Variants in RAD51B observed in about 807,000 individuals in gnomAD.
The protein encoded by RAD51B is RAD51 paralog B.
Under a neutral mutation model 42.2 loss-of-function variants are expected in RAD51B, and 38 were observed. That is an observed-to-expected ratio of 0.90 (90% CI 0.70 to 1.18). The LOEUF (loss-of-function observed/expected upper bound fraction) is 1.18. Among genes scored for constraint, RAD51B ranks in the 50% most tolerant of loss-of-function variants. RAD51B has a pLI of 0.00. For missense variants in RAD51B, 373 were observed against 400.7 expected (o/e 0.93, Z 0.59); for synonymous variants, 154 against 145.2 (o/e 1.06, Z -0.43).
At chr14:68,152,992 C>T (rs117773816) in intron 7 of RAD51B, among the ~76,000 whole-genome samples, 1 of 152,146 alleles carries the variant, frequency 6.6e-6, no homozygotes, top group Non-Finnish European at 1.5e-5. Context: ...TTTCTTTTTC[C>T]AGTCTGCCAT....
At chr14:68,286,783 T>C (rs2081422044) in intron 7 of RAD51B, among the ~76,000 whole-genome samples, 1 of 152,238 alleles carries the variant, frequency 6.6e-6, no homozygotes, top group Non-Finnish European at 1.5e-5. Flanking sequence ...GGGTATAGTC[T>C]AGTCATAGCC....
At chr14:68,597,331 G>A (rs1346355258), downstream of RAD51B, among the ~76,000 whole-genome samples, 1 of 152,164 alleles carries the variant, frequency 6.6e-6, no homozygotes, top group Non-Finnish European at 1.5e-5. Flanking sequence ...GTTGTTAGGG[G>A]ACATTGAGGA....
Position 68,443,953 on chromosome 14 carries a change from C to T in RAD51B, c.958-24219C>T, listed in dbSNP as rs552538704. On this transcript the variant is annotated intron_variant, in intron 9 of 10. Coordinates refer to ENST00000471583, the MANE Select transcript of RAD51B (RefSeq NM_133510.4). ...GATAAGAAATAGTAGTGCTAGGTAC[C>T]TTTTCTTTACTCATAAAGCATTATG... Among the ~76,000 whole-genome samples, 8 of 152,168 alleles carry T rather than the reference C, an allele frequency of 5.3e-5. No homozygotes were observed. The East Asian group carries it at 1.5e-3, about 29-fold the overall frequency.
chr14:67,880,675 A>G (rs557702732), intron 5 of RAD51B, among the ~76,000 whole-genome samples: 1 of 152,118 alleles, frequency 6.6e-6, no homozygotes, highest in African/African-American at 2.4e-5. Flanking sequence ...GTTTTTATTG[A>G]CTGATTTTTC....
chr14:67,901,911 AG>A (rs551428037), intron 7 of RAD51B, among the ~76,000 whole-genome samples: 95 of 151,492 alleles, frequency 6.3e-4, no homozygotes, highest in African/African-American at 1.8e-3. Flanking sequence ...GAAGGGTGGG[AG>A]GGGGTTGGAT....
At chr14:67,828,899 G>A (rs895931606) in intron 3 of RAD51B, among the ~76,000 whole-genome samples, 16 of 152,196 alleles carry the variant, frequency 1.1e-4, no homozygotes, top group Admixed American at 2.0e-4. Context: ...TTGTAGTATA[G>A]TTTGAAGTTG....
Position 67,885,835 on chromosome 14 carries a change from CTG to C in RAD51B, c.453-32_453-31del, listed in dbSNP as rs34343730. On this transcript the variant is annotated intron_variant, in intron 5 of 10. Transcript: ENST00000471583. ...GCAATGTGGCTTTAAGTAGAATTGA[CTG>C]TTTTCGTTTGTGCTATTTTTTTCAC... The C allele has an allele frequency of 1.5e-3, 2,419 of 1,564,124 alleles. 29 individuals carry two copies. In the African/African-American group the frequency reaches 0.027, roughly 18 times the overall value.
At chr14:68,284,273 G>A (rs549976624) in intron 7 of RAD51B, among the ~76,000 whole-genome samples, 1 of 152,302 alleles carries the variant, frequency 6.6e-6, no homozygotes, top group African/African-American at 2.4e-5. Flanking sequence ...ACTGCCATTG[G>A]TTCTGTGTAG....
At chr14:68,218,916 TA>T (rs1407456341) in intron 7 of RAD51B, among the ~76,000 whole-genome samples, 2 of 152,200 alleles carry the variant, frequency 1.3e-5, no homozygotes, top group Non-Finnish European at 2.9e-5. Flanking sequence ...TGGACAGTGA[TA>T]GGGGAGCAGA....
intron 7 of RAD51B, among the ~76,000 whole-genome samples, chr14:68,194,735 G>A (rs1252309645): frequency 1.3e-5 from 2 of 152,210 alleles, no homozygotes; most frequent in Non-Finnish European, 2.9e-5. Flanking sequence ...ATATGACAGT[G>A]TGGTAAAAGA....
chr14:67,951,941 A>G (rs959715629), intron 7 of RAD51B, among the ~76,000 whole-genome samples: 1 of 152,174 alleles, frequency 6.6e-6, no homozygotes, highest in East Asian at 1.9e-4. Context: ...TGACTCACAA[A>G]TGTTGAAAAA....
At chr14:67,991,538 A>G (rs2075296637) in intron 7 of RAD51B, among the ~76,000 whole-genome samples, 1 of 152,210 alleles carries the variant, frequency 6.6e-6, no homozygotes, top group Non-Finnish European at 1.5e-5. Flanking sequence ...TTATGTTGTT[A>G]TGCAGCTGGC....
chr14:68,445,872 G>A (rs893892089), intron 9 of RAD51B, among the ~76,000 whole-genome samples: 16 of 152,206 alleles, frequency 1.1e-4, no homozygotes, highest in African/African-American at 3.9e-4. Flanking sequence ...GTACAGTAGA[G>A]TGGAAACAAA....
At chr14:68,540,767 T>C (rs1887921129) in intron 10 of RAD51B, 1 of 985,200 alleles carries the variant, frequency 1.0e-6, no homozygotes, top group Non-Finnish European at 1.2e-6. Flanking sequence ...TGACAGCTTG[T>C]GAGGACTCCA....
chr14:68,547,643 G>C (rs1594961981), intron 10 of RAD51B, among the ~76,000 whole-genome samples: 1 of 152,192 alleles, frequency 6.6e-6, no homozygotes, highest in African/African-American at 2.4e-5. Flanking sequence ...CCCTCTCTCT[G>C]TTGTCTGTAG....
At chr14:67,842,151 A>G (rs1012147343) in intron 4 of RAD51B, among the ~76,000 whole-genome samples, 1 of 151,994 alleles carries the variant, frequency 6.6e-6, no homozygotes, top group African/African-American at 2.4e-5. Context: ...TTGTGTAGCT[A>G]TTGTAAATGG....
intron 10 of RAD51B, among the ~76,000 whole-genome samples, chr14:68,515,233 G>C (rs1051021149): frequency 2.0e-5 from 3 of 151,960 alleles, no homozygotes; most frequent in Non-Finnish European, 4.4e-5. Context: ...AAGGTTATGG[G>C]GAGTGTTAAA....
chr14:68,260,726 C>A (rs1272927540), intron 7 of RAD51B, among the ~76,000 whole-genome samples: 2 of 152,152 alleles, frequency 1.3e-5, no homozygotes, highest in South Asian at 2.1e-4. Context: ...TTTGCTTCTG[C>A]AGTTTTCTTA....
At chr14:68,374,211 TTTTCCTAGTG>T (rs2083318729) in intron 8 of RAD51B, among the ~76,000 whole-genome samples, 1 of 152,202 alleles carries the variant, frequency 6.6e-6, no homozygotes, top group Non-Finnish European at 1.5e-5. Flanking sequence ...ATCATTCTGA[TTTTCCTAGTG>T]CCTAGGACAG....
Sources: allele counts gnomAD v4.1 joint callset (sites outside exome capture counted in the v4.1 genomes callset), GRCh38; gene constraint gnomAD v4.1.1; transcripts MANE v1.5; gene names NCBI Gene and HGNC (gene_info 2026-07-23, HGNC 2026-07-21).